Variants in SIPA1L3 observed in about 807,000 individuals in gnomAD.
SIPA1L3 encodes signal-induced proliferation-associated 1-like protein 3.
A neutral mutation model predicts 150.1 loss-of-function variants in SIPA1L3; 59 were observed. The observed-to-expected ratio is 0.39, with a 90% confidence interval of 0.32 to 0.49. The LOEUF (loss-of-function observed/expected upper bound fraction) is 0.49, where lower values mean the gene tolerates loss of function less well. Among genes scored for constraint, SIPA1L3 ranks in the 20% least tolerant of loss-of-function variants. The pLI is 0.86. For synonymous variants in SIPA1L3, 1,070 were observed against 1,077.6 expected (o/e 0.99, Z 0.14); for missense variants, 2,211 against 2,489.5 (o/e 0.89, Z 2.38).
At chr19:38,059,610 T>G (rs910271174) in intron 2 of SIPA1L3, among the ~76,000 whole-genome samples, 4 of 152,194 alleles carry the variant, frequency 2.6e-5, no homozygotes, top group African/African-American at 9.7e-5. Flanking sequence ...TACAAAAGAC[T>G]TTAAAATTCT....
chr19:38,043,272 G>A (rs1274577520), intron 2 of SIPA1L3, among the ~76,000 whole-genome samples: 6 of 152,112 alleles, frequency 3.9e-5, no homozygotes, highest in South Asian at 4.1e-4. Context: ...CCTGGGAGGC[G>A]GAGGTTGCAG....
chr19:37,961,327 G>C (rs562798558), intron 1 of SIPA1L3, among the ~76,000 whole-genome samples: 7 of 152,058 alleles, frequency 4.6e-5, no homozygotes, highest in Non-Finnish European at 7.4e-5. Context: ...TCTCCACCTT[G>C]ATTTTTGAAG....
chr19:38,190,982 G>A (rs953213561), intron 16 of SIPA1L3, among the ~76,000 whole-genome samples: 4 of 152,188 alleles, frequency 2.6e-5, no homozygotes, highest in African/African-American at 9.7e-5. Flanking sequence ...TGGCGGCCTT[G>A]ATTTGAAACC....
chr19:38,205,644 G>A (rs1161455631), intron 21 of SIPA1L3, among the ~76,000 whole-genome samples: 2 of 152,016 alleles, frequency 1.3e-5, no homozygotes, highest in East Asian at 1.9e-4. Context: ...CCTGCCTTTC[G>A]GGGGCTACGT....
intron 15 of SIPA1L3, among the ~76,000 whole-genome samples, chr19:38,180,364 G>A (rs1972528460): frequency 6.6e-6 from 1 of 151,632 alleles, no homozygotes; most frequent in South Asian, 2.1e-4. Context: ...GTCTCACTGT[G>A]TTTCCCAGGC....
At position 38,182,486 on chromosome 19, in the gene SIPA1L3, GT is replaced by G. The variant is rs3833273; in HGVS notation, c.4209-25del. 0.22 allele frequency: 333,828 copies of G among 1,520,384 alleles called. 38,414 individuals carry two copies. The highest frequency in any genetic ancestry group is 0.36 in the East Asian group (16,000 of 43,866). 94.2% of individuals were successfully genotyped at this position (1,520,384 alleles called of 1,614,324 possible). On this transcript the variant is annotated intron_variant, in intron 15 of 21. Coordinates refer to ENST00000222345, the MANE Select transcript of SIPA1L3 (RefSeq NM_015073.3). ...TCTTGCCAAATGTGGAATGGATTTG[GT>G]TTTTTTTATCTCTTTCATTTTTGCT...
rs554216550 is a variant in SIPA1L3 at position 38,168,505 on chromosome 19, A to C, written c.4208+3599A>C. Among the ~76,000 whole-genome samples the C allele has an allele frequency of 7.2e-5, 11 of 152,222 alleles. No individual in the cohort carries two copies. In the South Asian group the frequency reaches 1.7e-3, roughly 23 times the overall value. ...AAAATAAAACACTGTGGAAAAAAAA[A>C]CAAAAACCTGTGCCACGAAGAGGGA... On this transcript the variant is annotated intron_variant, in intron 15 of 21. Coordinates refer to ENST00000222345, the MANE Select transcript of SIPA1L3 (RefSeq NM_015073.3).
chr19:37,937,804 T>G (rs2046615177), intron 1 of SIPA1L3, among the ~76,000 whole-genome samples: 1 of 141,850 alleles, frequency 7.0e-6, no homozygotes, highest in South Asian at 2.3e-4. Flanking sequence ...CCCAGCACTT[T>G]GGGAGGCTGA....
intron 7 of SIPA1L3, among the ~76,000 whole-genome samples, chr19:38,107,290 G>T (rs1416792032): frequency 1.3e-5 from 2 of 152,326 alleles, no homozygotes; most frequent in African/African-American, 4.8e-5. Context: ...GGGTAGGGGT[G>T]GAAAGGGCAG....
chr19:38,153,296 G>A (rs960525919), intron 13 of SIPA1L3, among the ~76,000 whole-genome samples: 2 of 152,224 alleles, frequency 1.3e-5, no homozygotes, highest in African/African-American at 4.8e-5. Flanking sequence ...TCAGGAGCAG[G>A]ACTGGCTGCG....
chr19:38,058,734 CAG>C (rs1194803382), intron 2 of SIPA1L3, among the ~76,000 whole-genome samples: 5 of 151,984 alleles, frequency 3.3e-5, no homozygotes, highest in Admixed American at 2.6e-4. Flanking sequence ...TTTTTTAAGA[CAG>C]AGTCTTGGCC....
At chr19:38,032,074 C>G (rs1264502689) in intron 2 of SIPA1L3, among the ~76,000 whole-genome samples, 1 of 152,234 alleles carries the variant, frequency 6.6e-6, no homozygotes, top group South Asian at 2.1e-4. Context: ...CGGGTCTTGT[C>G]TACAGCAGTT....
At chr19:38,026,432 T>G (rs1968511568) in intron 1 of SIPA1L3, among the ~76,000 whole-genome samples, 1 of 152,104 alleles carries the variant, frequency 6.6e-6, no homozygotes, top group African/African-American at 2.4e-5. Flanking sequence ...GTGCAGTGGC[T>G]TTTTGGCCAG....
intron 2 of SIPA1L3, among the ~76,000 whole-genome samples, chr19:38,063,486 G>C (rs772237617): frequency 6.6e-6 from 1 of 152,188 alleles, no homozygotes; most frequent in African/African-American, 2.4e-5. Flanking sequence ...GGATTCCCTG[G>C]CTCTATTTAA....
chr19:38,075,499 G>A (rs1238126924), intron 2 of SIPA1L3, among the ~76,000 whole-genome samples: 29 of 150,258 alleles, frequency 1.9e-4, no homozygotes. Context: ...GAACTTGCAG[G>A]GGTGGGTGCG....
At chr19:37,940,742 G>T (rs534231696) in intron 1 of SIPA1L3, among the ~76,000 whole-genome samples, 8 of 151,994 alleles carry the variant, frequency 5.3e-5, no homozygotes, top group African/African-American at 1.9e-4. Flanking sequence ...ACCACGCCCA[G>T]CTAATTTTTT....
chr19:38,075,274 C>T (rs941387705), intron 2 of SIPA1L3, among the ~76,000 whole-genome samples: 18 of 151,168 alleles, frequency 1.2e-4, no homozygotes, highest in African/African-American at 2.7e-4. Flanking sequence ...CTGCCCAACA[C>T]GGAGAAAACC....
rs374780684 is a variant in SIPA1L3 at position 38,164,779 on chromosome 19, C to T, written c.4081C>T (p.Arg1361Trp). ...AGRSHHADRR[R>W]EVSPAPAVAG... The stretch of plus-strand genomic sequence containing the variant: ...GAGGTCCCACCACGCAGACAGGCGG[C>T]GGGAGGTCTCCCCTGCCCCCGCAGT... The change falls in exon 15 of 22, where the codon CGG (arginine) becomes TGG (tryptophan). Residue 1361 changes from arginine (R) to tryptophan (W), a missense_variant. By Grantham distance (101) the Arg-to-Trp change is moderately radical. Around this residue, in one of 5 missense-constraint regions of SIPA1L3, gnomAD observed 806 missense variants for 870.1 expected, o/e 0.93. Coordinates refer to ENST00000222345, the MANE Select transcript of SIPA1L3 (RefSeq NM_015073.3). The surrounding 1 kb of genome is among the most constrained non-coding windows in gnomAD (Gnocchi z 4.1). 4.0e-5 allele frequency: 64 copies of T among 1,612,022 alleles called. No individual in the cohort carries two copies. The highest frequency in any genetic ancestry group is 1.6e-4 in the Middle Eastern group (1 of 6,078).
chr19:38,075,733 T>A (rs1347707842), intron 2 of SIPA1L3, among the ~76,000 whole-genome samples: 1 of 151,696 alleles, frequency 6.6e-6, no homozygotes, highest in African/African-American at 2.4e-5. Flanking sequence ...TGAGCCGAGA[T>A]TGTGCCACTG....
Sources: allele counts gnomAD v4.1 joint callset (sites outside exome capture counted in the v4.1 genomes callset), GRCh38; gene constraint gnomAD v4.1.1; regional missense constraint gnomAD v4.1.1; non-coding constraint Gnocchi (gnomAD v3.1); transcripts MANE v1.5; gene names NCBI Gene and HGNC (gene_info 2026-07-23, HGNC 2026-07-21).